The following FSCN1 variants were observed in gnomAD, a reference collection of about 807,000 sequenced individuals.
FSCN1 encodes fascin.
Under a neutral mutation model 39.7 loss-of-function variants are expected in FSCN1, and 10 were observed. That is an observed-to-expected ratio of 0.25 (90% CI 0.16 to 0.43). The LOEUF (loss-of-function observed/expected upper bound fraction) is 0.43. Among genes scored for constraint, FSCN1 ranks in the 20% least tolerant of loss-of-function variants. The pLI is 1.00. For missense variants in FSCN1, 525 were observed against 723.8 expected (o/e 0.73, Z 3.15); for synonymous variants, 322 against 320.0 (o/e 1.01, Z -0.07).
rs1419145337 is a variant in FSCN1 at position 5,605,582 on chromosome 7, G to C, written c.*108G>C. On this transcript the variant is annotated 3_prime_UTR_variant, in exon 5 of 5. Transcript: ENST00000382361. This position sits in a 1 kb window ranked among gnomAD's most constrained non-coding sequence, Gnocchi z 6.9. ...TCCAGGGCGGGAGGCAAGCCCCCTT[G>C]CCTTTCAAACTGGAAACCCCAGAGA... 4.8e-6 allele frequency: 4 copies of C among 828,956 alleles called. No homozygotes were observed. Among genetic ancestry groups the C allele is most frequent in the Non-Finnish European group, 7.4e-6 (4 of 542,980 alleles). 51.4% of individuals were successfully genotyped at this position (828,956 alleles called of 1,614,324 possible). A position where few individuals can be genotyped will look rare whatever the true frequency, so the allele number is the denominator to read the frequency against.
chr7:5,592,821 G>A lies in FSCN1; in HGVS notation c.-116G>A, dbSNP rs1208586500. On this transcript the variant is annotated 5_prime_UTR_variant, in exon 1 of 5. Coordinates refer to ENST00000382361, the MANE Select transcript of FSCN1 (RefSeq NM_003088.4). The surrounding 1 kb of genome is among the most constrained non-coding windows in gnomAD (Gnocchi z 5.3). Reference sequence around the variant, plus strand: ...GGCGCCGCTAGCTGGGCTTTGTGGAGCGCTGCGGAGGGTGCGTGCGGGCCG... The same window carrying A: ...GGCGCCGCTAGCTGGGCTTTGTGGAACGCTGCGGAGGGTGCGTGCGGGCCG... 4.8e-6 allele frequency: 3 copies of A among 619,644 alleles called. No homozygotes were observed. Among genetic ancestry groups the A allele is most frequent in the Non-Finnish European group, 8.2e-6 (3 of 365,514 alleles). 38.4% of individuals were successfully genotyped at this position (619,644 alleles called of 1,614,324 possible).
In FSCN1 at chr7:5,593,010, C is replaced by A; in HGVS notation, c.74C>A (p.Thr25Lys). The A allele has an allele frequency of 6.3e-7, 1 of 1,595,922 alleles. No individual in the cohort carries two copies. The highest frequency in any genetic ancestry group is 8.5e-7 in the Non-Finnish European group (1 of 1,171,578). ...ATCAACTGCGGCAACAAGTACCTGA[C>A]GGCCGAGGCGTTCGGGTTCAAGGTG... Reference protein sequence around the residue: ...GLINCGNKYLTAEAFGFKVNA... With the variant: ...GLINCGNKYLKAEAFGFKVNA... Residue 25 changes from threonine to lysine, a missense_variant, in exon 1 of 5, where the codon ACG becomes AAG. Coordinates refer to ENST00000382361, the MANE Select transcript of FSCN1 (RefSeq NM_003088.4).
intron 1 of FSCN1, among the ~76,000 whole-genome samples, chr7:5,594,244 G>A (rs1476679219): frequency 1.3e-5 from 2 of 151,886 alleles, no homozygotes; most frequent in East Asian, 3.9e-4. Context: ...GCCTTTCGCG[G>A]GCGAGATGGG....
intron 1 of FSCN1, among the ~76,000 whole-genome samples, chr7:5,595,393 G>C (rs1360085468): frequency 2.0e-5 from 3 of 152,248 alleles, no homozygotes; most frequent in Admixed American, 6.5e-5. Context: ...GTTTCCCACA[G>C]CGCATGGCGG....
chr7:5,594,243 G>C (rs1161277997), intron 1 of FSCN1, among the ~76,000 whole-genome samples: 1 of 151,870 alleles, frequency 6.6e-6, no homozygotes. Flanking sequence ...AGCCTTTCGC[G>C]GGCGAGATGG....
rs1204126288 is a variant in FSCN1, at chr7:5,605,960, C to T, written c.*486C>T. 1 of 156,492 alleles carries T rather than the reference C, an allele frequency of 6.4e-6. No individual in the cohort carries two copies. Among genetic ancestry groups the T allele is most frequent in the Non-Finnish European group, 1.4e-5 (1 of 70,720 alleles). 9.7% of individuals were successfully genotyped at this position (156,492 alleles called of 1,614,324 possible). ...TCCCTGGTGCACTGTCCCCGAAACC[C>T]CTGCTTGGGAAGGGAAGCTGTCGGG... On this transcript the variant is annotated 3_prime_UTR_variant, in exon 5 of 5. Transcript: ENST00000382361. This position sits in a 1 kb window ranked among gnomAD's most constrained non-coding sequence, Gnocchi z 6.9.
In FSCN1 at chr7:5,605,443, C is replaced by T; in HGVS notation, c.1451C>T (p.Thr484Ile). 1 of 1,598,766 alleles carries T rather than the reference C, an allele frequency of 6.3e-7. No homozygotes were observed. Among genetic ancestry groups the T allele is most frequent in the Admixed American group, 1.7e-5 (1 of 57,512 alleles). Residue 484 changes from threonine to isoleucine, a missense_variant, in exon 5 of 5, where the codon ACC becomes ATC. Around this residue, in one of 3 missense-constraint regions of FSCN1, gnomAD observed 275 missense variants for 351.9 expected, o/e 0.78. Transcript: ENST00000382361. The surrounding 1 kb of genome is among the most constrained non-coding windows in gnomAD (Gnocchi z 6.9). ...HAGVLKASAE[T>I]VDPASLWEY ...GGCGTCCTGAAGGCCTCGGCGGAAA[C>T]CGTGGACCCCGCCTCGCTCTGGGAG...
At chr7:5,595,948 A>G (rs574402325) in intron 1 of FSCN1, among the ~76,000 whole-genome samples, 1 of 147,350 alleles carries the variant, frequency 6.8e-6, no homozygotes, top group African/African-American at 2.5e-5. Flanking sequence ...TCAGGCTGAT[A>G]GGGTGGGAGG....
At position 5,605,518 on chromosome 7, in the gene FSCN1, G is replaced by GC. The variant is rs1372045458; in HGVS notation, c.*46dup. On this transcript the variant is annotated 3_prime_UTR_variant, in exon 5 of 5. Transcript: ENST00000382361. This position sits in a 1 kb window ranked among gnomAD's most constrained non-coding sequence, Gnocchi z 6.9. ...CGCCCCTGCCCACATGGCGGCTCCT[G>GC]CCAACCCTCCCTGCTAACCCCTTCT... 1.4e-6 allele frequency: 2 copies of GC among 1,403,124 alleles called. No individual in the cohort carries two copies. The highest frequency in any genetic ancestry group is 1.9e-6 in the Non-Finnish European group (2 of 1,029,250). 86.9% of individuals were successfully genotyped at this position (1,403,124 alleles called of 1,614,324 possible). A position where few individuals can be genotyped will look rare whatever the true frequency, so the allele number is the denominator to read the frequency against.
Position 5,599,384 on chromosome 7 carries a change from C to A in FSCN1, c.833-3873C>A, listed in dbSNP as rs1785787643. Among the ~76,000 whole-genome samples, 1 of 152,200 alleles carries A rather than the reference C, an allele frequency of 6.6e-6. No homozygotes were observed. The highest frequency in any genetic ancestry group is 6.5e-5 in the Admixed American group (1 of 15,276). ...CCTCCGGTCCAGAGAGCCAGCCAGA[C>A]CCTTACTTTCTCTTGCTGTGTGACC... On this transcript the variant is annotated intron_variant, in intron 1 of 4. Transcript: ENST00000382361. This position sits in a 1 kb window ranked among gnomAD's most constrained non-coding sequence, Gnocchi z 5.6.
At chr7:5,598,684 G>C (rs1785773163) in intron 1 of FSCN1, among the ~76,000 whole-genome samples, 1 of 152,142 alleles carries the variant, frequency 6.6e-6, no homozygotes, top group South Asian at 2.1e-4. Context: ...GGGGAACCTG[G>C]AGCCCCTGAT....
chr7:5,594,361 T>TC (rs1474336878), intron 1 of FSCN1, among the ~76,000 whole-genome samples: 2 of 132,834 alleles, frequency 1.5e-5, no homozygotes, highest in African/African-American at 6.4e-5. Context: ...CCTCCGCTGG[T>TC]GGGGGGGGGC....
At chr7:5,597,560 T>A (rs1222945560) in intron 1 of FSCN1, among the ~76,000 whole-genome samples, 1 of 147,606 alleles carries the variant, frequency 6.8e-6, no homozygotes, top group African/African-American at 2.5e-5. Context: ...CCAGCTACTC[T>A]GGAGGCTGAG....
intron 1 of FSCN1, among the ~76,000 whole-genome samples, chr7:5,598,892 C>T (rs1562747111): frequency 6.6e-6 from 1 of 152,258 alleles, no homozygotes; most frequent in African/African-American, 2.4e-5. Flanking sequence ...CAGGGTGCGG[C>T]CCCTGCCTGT....
chr7:5,599,364 G>A lies in FSCN1; in HGVS notation c.833-3893G>A, dbSNP rs191200857. Among the ~76,000 whole-genome samples, 94 of 152,304 alleles carry A rather than the reference G, an allele frequency of 6.2e-4. No homozygotes were observed. The East Asian group carries it at 9.3e-3, about 15-fold the overall frequency. The stretch of plus-strand genomic sequence containing the variant: ...CGTGGCAAGAGGGCCACCCACCTCC[G>A]GTCCAGAGAGCCAGCCAGACCCTTA... On this transcript the variant is annotated intron_variant, in intron 1 of 4. Transcript: ENST00000382361. This position sits in a 1 kb window ranked among gnomAD's most constrained non-coding sequence, Gnocchi z 5.6.
chr7:5,602,992 G>A (rs1278558976), intron 1 of FSCN1: 1 of 522,180 alleles, frequency 1.9e-6, no homozygotes, highest in Non-Finnish European at 3.4e-6. Context: ...TCACAGGCAT[G>A]AGCCCCTGTC....
chr7:5,594,706 G>T (rs1785699613), intron 1 of FSCN1: 1 of 152,030 alleles, frequency 6.6e-6, no homozygotes, highest in Non-Finnish European at 1.5e-5. Context: ...CCCTTCGCCC[G>T]CCGCGCGCGT....
intron 1 of FSCN1, among the ~76,000 whole-genome samples, chr7:5,598,712 GC>G (rs1315941392): frequency 2.6e-5 from 4 of 152,096 alleles, no homozygotes; most frequent in Admixed American, 6.5e-5. Context: ...GTTTTTTCCT[GC>G]TGCTGGGGTG....
At position 5,593,080 on chromosome 7, in the gene FSCN1, G is replaced by C; in HGVS notation, c.144G>C (p.Leu48=). 6.2e-7 allele frequency: 1 copy of C among 1,605,892 alleles called. No individual in the cohort carries two copies. The highest frequency in any genetic ancestry group is 8.5e-7 in the Non-Finnish European group (1 of 1,177,318). ...TGAAGAAGAAGCAGATCTGGACGCT[G>C]GAGCAGCCCCCTGACGAGGCGGGCA... ...SSLKKKQIWT[L]EQPPDEAGSA... The change falls in exon 1 of 5, where the codon CTG becomes CTC. Residue 48 remains leucine, a synonymous_variant. Coordinates refer to ENST00000382361, the MANE Select transcript of FSCN1 (RefSeq NM_003088.4).
Sources: allele counts gnomAD v4.1 joint callset (sites outside exome capture counted in the v4.1 genomes callset), GRCh38; gene constraint gnomAD v4.1.1; regional missense constraint gnomAD v4.1.1; non-coding constraint Gnocchi (gnomAD v3.1); transcripts MANE v1.5; gene names NCBI Gene and HGNC (gene_info 2026-07-23, HGNC 2026-07-21).